Variants in NQO2 observed in about 807,000 individuals in gnomAD.
The protein encoded by NQO2 is ribosyldihydronicotinamide dehydrogenase [quinone].
NQO2 carries 18 observed loss-of-function variants against 22.0 expected under a neutral mutation model. The ratio of observed to expected loss-of-function variants is 0.82; its 90% CI spans 0.56 to 1.21. The LOEUF (loss-of-function observed/expected upper bound fraction) is 1.21. NQO2 is among the 50% of genes most tolerant of loss of function. NQO2 has a pLI of 0.00. For missense variants in NQO2, 267 were observed against 286.9 expected (o/e 0.93, Z 0.50); for synonymous variants, 106 against 110.8 (o/e 0.96, Z 0.28).
chr6:3,007,640 TC>T (rs1486786095), intron 2 of NQO2, among the ~76,000 whole-genome samples: 5 of 152,216 alleles, frequency 3.3e-5, no homozygotes, highest in Non-Finnish European at 7.3e-5. Flanking sequence ...GGAGACTCTT[TC>T]CAATGAGGAA....
At chr6:3,010,952 GAA>G (rs35198315) in intron 3 of NQO2, among the ~76,000 whole-genome samples, 70 of 149,038 alleles carry the variant, frequency 4.7e-4, no homozygotes, top group African/African-American at 1.6e-3. Context: ...CTTAGTAGAG[GAA>G]AAAAAAAAAA....
chr6:3,012,327 G>C, intron 3 of NQO2: 2 of 914,948 alleles, frequency 2.2e-6, no homozygotes, highest in Non-Finnish European at 2.6e-6. Flanking sequence ...GATGTGTGTA[G>C]AGCACAGCAC....
At chr6:3,005,961 C>T (rs1756937171) in intron 1 of NQO2, 1 of 267,658 alleles carries the variant, frequency 3.7e-6, no homozygotes, top group South Asian at 1.4e-4. Context: ...CGCTGCATCC[C>T]TGGAGAATCT....
At chr6:3,012,945 A>G (rs909740140) in intron 4 of NQO2, among the ~76,000 whole-genome samples, 9 of 61,788 alleles carry the variant, frequency 1.5e-4, no homozygotes, top group Non-Finnish European at 2.3e-4. Flanking sequence ...ATGTAACACT[A>G]CTTTTTTTTT....
rs1317862809 is a variant in NQO2, at chr6:3,012,594, G to A, written c.223G>A (p.Ala75Thr). The A allele has an allele frequency of 6.2e-7, 1 of 1,614,066 alleles. No homozygotes were observed. The highest frequency in any genetic ancestry group is 1.3e-5 in the African/African-American group (1 of 74,902). The change falls in exon 4 of 7, where the codon GCC becomes ACC. Residue 75 changes from alanine to threonine, a missense_variant. Coordinates refer to ENST00000380455, the MANE Select transcript of NQO2 (RefSeq NM_000904.6). ...VFNYGVETHE[A>T]YKQRSLASDI... is the part of the protein sequence containing the mutation. ...CAATTATGGAGTGGAAACCCACGAA[G>A]CCTACAAGCAAAGGTCTCTGGCTAG...
intron 4 of NQO2, among the ~76,000 whole-genome samples, chr6:3,014,244 C>G (rs1757248890): frequency 6.6e-6 from 1 of 152,178 alleles, no homozygotes. Context: ...CTGCACACCC[C>G]TTCCCGACAC....
intron 1 of NQO2, chr6:3,002,253 C>T: frequency 8.1e-6 from 8 of 984,290 alleles, no homozygotes; most frequent in Non-Finnish European, 9.7e-6. Flanking sequence ...AGGTGTTCCC[C>T]CAGTCTGCAG....
chr6:3,017,030 A>G (rs1262941373), intron 6 of NQO2, 45 bp downstream of exon 6: 1 of 1,596,824 alleles, frequency 6.3e-7, no homozygotes, highest in Non-Finnish European at 8.5e-7. Flanking sequence ...GCACACGCAC[A>G]CACAGACACA....
At chr6:3,012,749 T>C (rs1217503808) in intron 4 of NQO2, 75 bp downstream of exon 4, 1 of 1,464,304 alleles carries the variant, frequency 6.8e-7, no homozygotes, top group African/African-American at 1.4e-5. Flanking sequence ...TTGAGTTTTG[T>C]GCTGCTTCTG....
In NQO2 at chr6:3,015,609, A is replaced by T. The variant is rs761367357; in HGVS notation, c.383A>T (p.Asp128Val). Residue 128 changes from aspartate (D) to valine (V), a missense_variant, in exon 5 of 7, where the codon GAC (aspartate) becomes GTC (valine). Coordinates refer to ENST00000380455, the MANE Select transcript of NQO2 (RefSeq NM_000904.6). Reference sequence around the variant, plus strand: ...GTGCTGTGCCAGGGCTTTGCCTTTGACATCCCAGGATTCTACGATTCCGGT... The same window carrying T: ...GTGCTGTGCCAGGGCTTTGCCTTTGTCATCCCAGGATTCTACGATTCCGGT... ...DRVLCQGFAFDIPGFYDSGLL... is the reference protein window; with the variant it reads ...DRVLCQGFAFVIPGFYDSGLL... The T allele has an allele frequency of 1.9e-6, 3 of 1,614,178 alleles. No individual in the cohort carries two copies. The highest frequency in any genetic ancestry group is 2.5e-6 in the Non-Finnish European group (3 of 1,180,016).
chr6:3,016,769 G>A, intron 5 of NQO2, 115 bp from the exon 6 acceptor site: 3 of 1,505,042 alleles, frequency 2.0e-6, no homozygotes, highest in Non-Finnish European at 2.7e-6. Flanking sequence ...CATCCCTGGA[G>A]GGTGTCCACA....
intron 4 of NQO2, chr6:3,015,259 C>T: frequency 7.0e-7 from 1 of 1,432,316 alleles, no homozygotes; most frequent in East Asian, 3.2e-5. Context: ...GCTCCTCGTC[C>T]CCTCCCTGCC....
intron 6 of NQO2, among the ~76,000 whole-genome samples, chr6:3,018,880 A>G (rs1757432144): frequency 6.6e-6 from 1 of 151,960 alleles, no homozygotes; most frequent in South Asian, 2.1e-4. Context: ...CCAAAAAAAA[A>G]AGAGACAATA....
At chr6:3,011,539 A>G (rs1374895852) in intron 3 of NQO2, among the ~76,000 whole-genome samples, 1 of 152,218 alleles carries the variant, frequency 6.6e-6, no homozygotes, top group African/African-American at 2.4e-5. Context: ...TATTCAAAGA[A>G]ATAATAACAG....
chr6:3,000,999 T>A (rs1264865627), intron 1 of NQO2, among the ~76,000 whole-genome samples: 1 of 150,334 alleles, frequency 6.7e-6, no homozygotes, highest in Non-Finnish European at 1.5e-5. Context: ...CCTGCCACCA[T>A]GCCCGGCTAA....
intron 4 of NQO2, among the ~76,000 whole-genome samples, chr6:3,014,028 A>T (rs1026747997): frequency 2.6e-5 from 4 of 152,110 alleles, no homozygotes; most frequent in Admixed American, 6.6e-5. Flanking sequence ...TCTGTTTTCC[A>T]ACCCTGCTTG....
rs561680738 is a variant in NQO2 at position 3,001,004 on chromosome 6, G to A, written c.-86+919G>A. On this transcript the variant is annotated intron_variant, in intron 1 of 6. Transcript: ENST00000380455. Reference sequence around the variant, plus strand: ...ATTACAGGCGCCTGCCACCATGCCCGGCTAATTTTTGTATTTTTAGTACAG... The same window carrying A: ...ATTACAGGCGCCTGCCACCATGCCCAGCTAATTTTTGTATTTTTAGTACAG... Among the ~76,000 whole-genome samples the A allele has an allele frequency of 9.9e-5, 15 of 151,226 alleles. No homozygotes were observed. In the East Asian group the frequency reaches 1.2e-3, roughly 12 times the overall value.
rs1452213004 is a variant in NQO2 at position 2,999,927 on chromosome 6, C to T, written c.-244C>T. 1 of 152,324 alleles carries T rather than the reference C, an allele frequency of 6.6e-6. No individual in the cohort carries two copies. Among genetic ancestry groups the T allele is most frequent in the Non-Finnish European group, 1.5e-5 (1 of 68,146 alleles). The allele number at this position is 152,324 out of a possible 1,614,324, so 9.4% of individuals were successfully genotyped here. A position where few individuals can be genotyped will look rare whatever the true frequency, so the allele number is the denominator to read the frequency against. On this transcript the variant is annotated 5_prime_UTR_variant, in exon 1 of 7. Transcript: ENST00000380455. ...CGGGCTGCTTAGGTTGGCACCGGTC[C>T]GTGGTCCCCGGGGGCGCAGTCGCAG...
chr6:3,008,874 G>A (rs1354998111), intron 2 of NQO2, among the ~76,000 whole-genome samples: 1 of 152,138 alleles, frequency 6.6e-6, no homozygotes, highest in African/African-American at 2.4e-5. Flanking sequence ...TACAAATAGA[G>A]TGTGGGTCAC....
Sources: allele counts gnomAD v4.1 joint callset (sites outside exome capture counted in the v4.1 genomes callset), GRCh38; gene constraint gnomAD v4.1.1; transcripts MANE v1.5; gene names NCBI Gene and HGNC (gene_info 2026-07-23, HGNC 2026-07-21).